POLE4: variants seen among roughly 807,000 people sequenced by gnomAD.
POLE4 encodes the protein DNA polymerase epsilon 4, accessory subunit, also known as DNA polymerase epsilon subunit 4.
In POLE4, 15 loss-of-function variants were observed where a neutral mutation model predicts 15.6. The ratio of observed to expected loss-of-function variants is 0.96; its 90% CI spans 0.64 to 1.48. The LOEUF (loss-of-function observed/expected upper bound fraction) is 1.48. POLE4 is among the 40% of genes most tolerant of loss of function. POLE4 has a pLI of 0.00. For synonymous variants in POLE4, 83 were observed against 63.2 expected (o/e 1.31, Z -1.49); for missense variants, 205 against 151.9 (o/e 1.35, Z -1.84).
At chr2:74,963,152 G>T (rs888686635) in intron 3 of POLE4, among the ~76,000 whole-genome samples, 2 of 152,152 alleles carry the variant, frequency 1.3e-5, no homozygotes, top group African/African-American at 2.4e-5. Flanking sequence ...ATATAATACT[G>T]CTGGGACCTA....
At chr2:74,967,111 G>A (rs887815478) in intron 3 of POLE4, among the ~76,000 whole-genome samples, 4 of 152,046 alleles carry the variant, frequency 2.6e-5, no homozygotes, top group Admixed American at 6.6e-5. Context: ...ATAGATTAAT[G>A]TCTTTCATCT....
At position 74,966,568 on chromosome 2, in the gene POLE4, G is replaced by GT. The variant is rs950064117; in HGVS notation, c.341-2833dup. Among the ~76,000 whole-genome samples the GT allele has an allele frequency of 2.4e-4, 37 of 151,874 alleles. No homozygotes were observed. The Middle Eastern group carries it at 0.024, about 98-fold the overall frequency. On this transcript the variant is annotated intron_variant, in intron 3 of 3. Transcript: ENST00000483063. ...AGGCATGCACCACCAAGCCTGGCTA[G>GT]TTTTTTTTGTATTTTTAGTAGAGAT...
intron 2 of POLE4, chr2:74,959,702 C>T: frequency 2.4e-6 from 1 of 423,300 alleles, no homozygotes; most frequent in Non-Finnish European, 4.2e-6. Context: ...TCTTTTTCAC[C>T]TAGCAACTGG....
At chr2:74,966,369 T>G (rs146593187) in intron 3 of POLE4, among the ~76,000 whole-genome samples, 8 of 152,302 alleles carry the variant, frequency 5.3e-5, no homozygotes, top group African/African-American at 1.9e-4. Context: ...ATATATGGAT[T>G]TAGTCACATA....
At chr2:74,965,090 AT>A (rs35849174) in intron 3 of POLE4, among the ~76,000 whole-genome samples, 91,852 of 124,832 alleles carry the variant, frequency 0.74, 32,901 homozygotes, top group African/African-American at 0.85. Context: ...CTTTTTATCT[AT>A]TTTTTTTTTT....
chr2:74,958,903 A>G lies in POLE4; in HGVS notation c.213+11A>G, dbSNP rs750905468. The G allele has an allele frequency of 2.1e-5, 33 of 1,550,258 alleles. No individual in the cohort carries two copies. Among genetic ancestry groups the G allele is most frequent in the African/African-American group, 8.2e-5 (6 of 72,832 alleles). ...CTGGCACGAGCCGCGGTGCGCCTGC[A>G]GCGCGAGGGCATGCGGGAGTGGGGG... On this transcript the variant is annotated intron_variant, in intron 1 of 3. Coordinates refer to ENST00000483063, the MANE Select transcript of POLE4 (RefSeq NM_019896.4).
chr2:74,960,731 G>GT (rs1278278103), intron 3 of POLE4: 5 of 402,130 alleles, frequency 1.2e-5, no homozygotes, highest in Non-Finnish European at 2.5e-5. Flanking sequence ...TTCACTACAC[G>GT]TATGTAGTCA....
intron 3 of POLE4, among the ~76,000 whole-genome samples, chr2:74,965,441 T>C (rs1428459255): frequency 6.6e-6 from 1 of 152,120 alleles, no homozygotes; most frequent in Non-Finnish European, 1.5e-5. Context: ...TATTGAAAGA[T>C]TGGAATTATT....
rs1288864864 is a variant in POLE4, at chr2:74,958,871, C to T, written c.192C>T (p.Ile64=). The change falls in exon 1 of 4, where the codon ATC becomes ATT. Residue 64 remains isoleucine, a synonymous_variant. Coordinates refer to ENST00000483063, the MANE Select transcript of POLE4 (RefSeq NM_019896.4). ...PDVTLAGQEA[I]FILARAAELF... is the part of the protein sequence containing the mutation. Reference sequence around the variant, plus strand: ...TGACGCTAGCGGGACAGGAAGCCATCTTCATTCTGGCACGAGCCGCGGTGC... The same window carrying T: ...TGACGCTAGCGGGACAGGAAGCCATTTTCATTCTGGCACGAGCCGCGGTGC... 3 of 1,559,428 alleles carry T rather than the reference C, an allele frequency of 1.9e-6. No individual in the cohort carries two copies. The highest frequency in any genetic ancestry group is 1.7e-6 in the Non-Finnish European group (2 of 1,151,710).
intron 3 of POLE4, among the ~76,000 whole-genome samples, chr2:74,967,927 G>A (rs879532325): frequency 5.4e-5 from 5 of 91,762 alleles, no homozygotes; most frequent in Admixed American, 1.6e-4. Flanking sequence ...TTACTCTGAG[G>A]GGGCAGCCTT....
In POLE4 at chr2:74,958,789, G is replaced by A. The variant is rs1425245599; in HGVS notation, c.110G>A (p.Arg37His). The change falls in exon 1 of 4, where the codon CGT becomes CAT. Residue 37 changes from arginine (R) to histidine (H), a missense_variant. Arg to His is a conservative substitution (Grantham distance 29). Coordinates refer to ENST00000483063, the MANE Select transcript of POLE4 (RefSeq NM_019896.4). ...GCCCCAACGAGTGTGCCTGGGGCTC[G>A]TCTCTCGAGGTTGCCTCTGGCGCGA... is the stretch of plus-strand genomic sequence containing the variant. ...PQAPTSVPGARLSRLPLARVK... is the reference protein window; with the variant it reads ...PQAPTSVPGAHLSRLPLARVK... 6.4e-7 allele frequency: 1 copy of A among 1,551,536 alleles called. No individual in the cohort carries two copies. Among genetic ancestry groups the A allele is most frequent in the Non-Finnish European group, 8.7e-7 (1 of 1,147,174 alleles).
chr2:74,959,619 A>C (rs1671186545), intron 2 of POLE4, 194 bp downstream of exon 2: 1 of 541,994 alleles, frequency 1.8e-6, no homozygotes, highest in South Asian at 2.4e-5. Context: ...GCAGTGTGTG[A>C]AGGTGTCTGG....
chr2:74,959,294 C>G (rs776778200), intron 1 of POLE4, 47 bp from the exon 2 acceptor site: 1 of 1,270,734 alleles, frequency 7.9e-7, no homozygotes, highest in Non-Finnish European at 1.1e-6. Flanking sequence ...CTCACCTCCT[C>G]AGTGTGTTAG....
chr2:74,958,882 C>G lies in POLE4; in HGVS notation c.203C>G (p.Ala68Gly). 1 of 1,556,216 alleles carries G rather than the reference C, an allele frequency of 6.4e-7. No individual in the cohort carries two copies. Among genetic ancestry groups the G allele is most frequent in the Non-Finnish European group, 8.7e-7 (1 of 1,149,776 alleles). Residue 68 changes from alanine to glycine, a missense_variant, in exon 1 of 4, where the codon GCA becomes GGA. Transcript: ENST00000483063. ...GGACAGGAAGCCATCTTCATTCTGG[C>G]ACGAGCCGCGGTGCGCCTGCAGCGC... Reference protein sequence around the residue: ...LAGQEAIFILARAAELFVETI... With the variant: ...LAGQEAIFILGRAAELFVETI...
chr2:74,963,688 C>A (rs1036204946), intron 3 of POLE4, among the ~76,000 whole-genome samples: 8 of 152,046 alleles, frequency 5.3e-5, no homozygotes, highest in Non-Finnish European at 1.2e-4. Flanking sequence ...TGGGGTTTCA[C>A]TGTGTTGGCC....
chr2:74,962,794 CTTT>C (rs908757497), intron 3 of POLE4, among the ~76,000 whole-genome samples: 2 of 152,132 alleles, frequency 1.3e-5, no homozygotes, highest in African/African-American at 4.8e-5. Flanking sequence ...TGTTTCCTAA[CTTT>C]TTTGGTAATT....
At chr2:74,960,000 C>A in intron 2 of POLE4, 105 bp from the exon 3 acceptor site, 1 of 866,030 alleles carries the variant, frequency 1.2e-6, no homozygotes, top group Non-Finnish European at 1.9e-6. Context: ...TATAAATGCC[C>A]TCATTTGCCC....
Position 74,959,373 on chromosome 2 carries a change from C to G in POLE4, c.246C>G (p.Ala82=). ...TTGTGGAGACCATTGCAAAAGATGC[C>G]TACTGTTGCGCTCAGCAGGGAAAAA... ...ELFVETIAKD[A]YCCAQQGKRK... Residue 82 remains alanine (A), a synonymous_variant, in exon 2 of 4, where the codon GCC becomes GCG. Coordinates refer to ENST00000483063, the MANE Select transcript of POLE4 (RefSeq NM_019896.4). 1 of 1,613,876 alleles carries G rather than the reference C, an allele frequency of 6.2e-7. No individual in the cohort carries two copies. The highest frequency in any genetic ancestry group is 8.5e-7 in the Non-Finnish European group (1 of 1,179,782).
Position 74,969,716 on chromosome 2 carries a change from G to A in POLE4, c.*294G>A, listed in dbSNP as rs1671344838. ...CTGAATGATGAGGACCAGAATAAAG[G>A]TTTTTGATCAACCTCAGTCCAGTGT... On this transcript the variant is annotated 3_prime_UTR_variant, in exon 4 of 4. Coordinates refer to ENST00000483063, the MANE Select transcript of POLE4 (RefSeq NM_019896.4). The A allele has an allele frequency of 4.4e-6, 2 of 452,370 alleles. No individual in the cohort carries two copies. Among genetic ancestry groups the A allele is most frequent in the Non-Finnish European group, 8.1e-6 (2 of 247,696 alleles). The allele number at this position is 452,370 out of a possible 1,614,324, so 28.0% of individuals were successfully genotyped here. A position where few individuals can be genotyped will look rare whatever the true frequency, so the allele number is the denominator to read the frequency against.
Sources: gnomAD v4.1 joint callset for allele counts (sites outside exome capture counted in the v4.1 genomes callset) on GRCh38, gnomAD v4.1.1 for gene constraint, MANE v1.5 for transcripts, NCBI Gene and HGNC (gene_info 2026-07-23, HGNC 2026-07-21) for gene names.